Variants in TENM4 observed in about 807,000 individuals in gnomAD.
TENM4 encodes the protein teneurin-4.
In TENM4, 82 loss-of-function variants were observed where a neutral mutation model predicts 243.3. The ratio of observed to expected loss-of-function variants is 0.34; its 90% CI spans 0.28 to 0.40. The LOEUF is 0.40. Among genes scored for constraint, TENM4 ranks in the 10% least tolerant of loss-of-function variants. The pLI is 1.00. For synonymous variants in TENM4, 1,412 were observed against 1,456.3 expected (o/e 0.97, Z 0.69); for missense variants, 3,138 against 3,673.3 (o/e 0.85, Z 3.77).
At chr11:78,793,422 G>C (rs1361420595) in intron 15 of TENM4, among the ~76,000 whole-genome samples, 1 of 152,174 alleles carries the variant, frequency 6.6e-6, no homozygotes, top group Admixed American at 6.5e-5. Context: ...AGCACTAGAA[G>C]AGGTAATAAG....
At chr11:79,236,273 G>T (rs553212025) in intron 2 of TENM4, among the ~76,000 whole-genome samples, 1 of 152,296 alleles carries the variant, frequency 6.6e-6, no homozygotes, top group Non-Finnish European at 1.5e-5. Flanking sequence ...GTTATTTGTG[G>T]AAATCCTTCG....
At chr11:79,235,881 T>A (rs563672931) in intron 2 of TENM4, among the ~76,000 whole-genome samples, 65 of 152,240 alleles carry the variant, frequency 4.3e-4, no homozygotes, top group African/African-American at 1.6e-3. Context: ...CTTTTTTTTT[T>A]AGCTGAACTT....
chr11:78,965,516 AACATGAT>A (rs993197353), intron 6 of TENM4, among the ~76,000 whole-genome samples: 1 of 152,228 alleles, frequency 6.6e-6, no homozygotes, highest in Non-Finnish European at 1.5e-5. Flanking sequence ...AAAATTAAGA[AACATGAT>A]ATGTTGTTTC....
intron 6 of TENM4, among the ~76,000 whole-genome samples, chr11:78,961,871 T>C (rs1027546147): frequency 5.9e-5 from 9 of 152,222 alleles, no homozygotes; most frequent in East Asian, 1.9e-4. Flanking sequence ...TCGTGATGTC[T>C]GTCTGTGCAT....
At chr11:78,958,763 C>A (rs1591162794) in intron 6 of TENM4, among the ~76,000 whole-genome samples, 1 of 152,340 alleles carries the variant, frequency 6.6e-6, no homozygotes, top group Non-Finnish European at 1.5e-5. Context: ...CCATAGGAAA[C>A]TGTCTCATTT....
chr11:79,396,474 A>C (rs1858347536), intron 1 of TENM4, among the ~76,000 whole-genome samples: 1 of 152,232 alleles, frequency 6.6e-6, no homozygotes, highest in Admixed American at 6.5e-5. Flanking sequence ...CAACAGGACC[A>C]TTCTTAATAG....
At chr11:79,008,627 C>T (rs1413153735) in intron 6 of TENM4, among the ~76,000 whole-genome samples, 1 of 152,112 alleles carries the variant, frequency 6.6e-6, no homozygotes, top group Non-Finnish European at 1.5e-5. Flanking sequence ...GCTTGGTATG[C>T]CATAAAGTGG....
rs144889241 is a variant in TENM4 at position 78,663,522 on chromosome 11, G to A, written c.7409-1931C>T. ...ATGCAAGAGCTGGCTGTTTAAAAGC[G>A]TGTGGCACCCCTCCCTTCTCTCTTG... On this transcript the variant is annotated intron_variant, in intron 32 of 33. Transcript: ENST00000278550. 7.4e-3 allele frequency among the ~76,000 whole-genome samples: 1,122 copies of A among 152,214 alleles called. 7 individuals are homozygous for A. The highest frequency in any genetic ancestry group is 0.01 in the Non-Finnish European group (708 of 67,998).
chr11:78,936,221 G>A (rs1381998123), intron 6 of TENM4, among the ~76,000 whole-genome samples: 1 of 152,180 alleles, frequency 6.6e-6, no homozygotes, highest in Non-Finnish European at 1.5e-5. Flanking sequence ...TTGTGCTAAA[G>A]AACATGGACT....
intron 2 of TENM4, among the ~76,000 whole-genome samples, chr11:79,251,685 A>C (rs1428273080): frequency 2.6e-5 from 4 of 152,188 alleles, no homozygotes; most frequent in Non-Finnish European, 5.9e-5. Flanking sequence ...TGACATACTA[A>C]AATACTCTGA....
rs867888683 is a variant in TENM4 at position 79,277,258 on chromosome 11, G to A, written c.-265+20230C>T. Among the ~76,000 whole-genome samples, 14 of 152,328 alleles carry A rather than the reference G, an allele frequency of 9.2e-5. No individual in the cohort carries two copies. In the Middle Eastern group the frequency reaches 0.01, roughly 111 times the overall value. ...GGGCAGGGCATTGGGATGAGGATGG[G>A]TGGTTCTGGTTAATTGAATTTGTCA... On this transcript the variant is annotated intron_variant, in intron 2 of 33. Transcript: ENST00000278550.
chr11:78,943,701 C>T (rs1856951731), intron 6 of TENM4, among the ~76,000 whole-genome samples: 1 of 152,074 alleles, frequency 6.6e-6, no homozygotes, highest in South Asian at 2.1e-4. Flanking sequence ...TCTTTATAAT[C>T]CAGGTGTGCT....
intron 12 of TENM4, among the ~76,000 whole-genome samples, chr11:78,818,372 T>C (rs1489433507): frequency 6.6e-6 from 1 of 152,226 alleles, no homozygotes; most frequent in Non-Finnish European, 1.5e-5. Context: ...GAAAGCATAT[T>C]TTCTGTGACT....
chr11:79,376,661 C>G (rs1286664670), intron 1 of TENM4, among the ~76,000 whole-genome samples: 5 of 152,222 alleles, frequency 3.3e-5, no homozygotes. Flanking sequence ...GTGGTCCCAA[C>G]ATCTCCAATT....
At chr11:79,398,788 TGAG>T (rs1454886887) in intron 1 of TENM4, among the ~76,000 whole-genome samples, 1 of 133,396 alleles carries the variant, frequency 7.5e-6, no homozygotes, top group African/African-American at 2.8e-5. Context: ...GGTTCTAAAC[TGAG>T]GAGATGGAAG....
Position 78,910,670 on chromosome 11 carries a change from A to C in TENM4, c.494-7147T>G, listed in dbSNP as rs1452315078. On this transcript the variant is annotated intron_variant, in intron 6 of 33. Coordinates refer to ENST00000278550, the MANE Select transcript of TENM4 (RefSeq NM_001098816.3). ...TGTGCAAGAGTTAGAGAAAACAATC[A>C]GTATTATTGTTACCTGAACCTAGAA... is the stretch of plus-strand genomic sequence containing the variant. Among the ~76,000 whole-genome samples, 4 of 152,370 alleles carry C rather than the reference A, an allele frequency of 2.6e-5. No homozygotes were observed. In the South Asian group the frequency reaches 6.2e-4, roughly 24 times the overall value.
chr11:79,419,521 G>T (rs902711054), intron 1 of TENM4, among the ~76,000 whole-genome samples: 1 of 152,122 alleles, frequency 6.6e-6, no homozygotes, highest in African/African-American at 2.4e-5. Context: ...TGGATGAGAT[G>T]GTTAAATTAG....
intron 2 of TENM4, among the ~76,000 whole-genome samples, chr11:79,295,120 G>A (rs1327479749): frequency 6.6e-6 from 1 of 152,106 alleles, no homozygotes; most frequent in East Asian, 1.9e-4. Flanking sequence ...GAACTGAGAC[G>A]GTGCCCAGAG....
intron 6 of TENM4, among the ~76,000 whole-genome samples, chr11:78,982,380 T>C (rs1315019815): frequency 2.0e-5 from 3 of 151,820 alleles, no homozygotes; most frequent in East Asian, 1.9e-4. Context: ...TAATCAGGAG[T>C]TGTCCTCTTC....
Sources: gnomAD v4.1 joint callset for allele counts (sites outside exome capture counted in the v4.1 genomes callset) on GRCh38, gnomAD v4.1.1 for gene constraint, MANE v1.5 for transcripts, NCBI Gene and HGNC (gene_info 2026-07-23, HGNC 2026-07-21) for gene names.